NPHP4: variants seen among roughly 807,000 people sequenced by gnomAD.
NPHP4 encodes the protein nephrocystin-4.
In NPHP4, 151 loss-of-function variants were observed where a neutral mutation model predicts 155.8. That is an observed-to-expected ratio of 0.97 (90% confidence interval 0.85 to 1.11). The LOEUF (loss-of-function observed/expected upper bound fraction) is 1.11, where lower values mean the gene tolerates loss of function less well. Ranked by LOEUF, NPHP4 falls within the 50% of genes least tolerant of loss-of-function variation. NPHP4 has a pLI of 0.00. For synonymous variants in NPHP4, 845 were observed against 816.8 expected, an observed-to-expected ratio of 1.03 and a Z score of -0.59; for missense variants, 1,956 against 1,925.7, an observed-to-expected ratio of 1.02 and a Z score of -0.29.
chr1:5,903,081 A>G lies in NPHP4; in HGVS notation c.2143+1536T>C, dbSNP rs938673319. 6.6e-4 allele frequency among the ~76,000 whole-genome samples: 100 copies of G among 152,230 alleles called. 3 individuals carry two copies. The highest frequency in any genetic ancestry group is 1.3e-4 in the Admixed American group (2 of 15,286). On this transcript the variant is annotated intron_variant, in intron 16 of 29. Coordinates refer to ENST00000378156, the MANE Select transcript of NPHP4 (RefSeq NM_015102.5). ...TGCTTTAAAATAATGCATATTCTCTAAACGGGATGTACAGGTTTTCTCAGA... is the reference window on the plus strand; with the variant it reads ...TGCTTTAAAATAATGCATATTCTCTGAACGGGATGTACAGGTTTTCTCAGA...
At chr1:5,989,716 C>T (rs940043586) in intron 1 of NPHP4, among the ~76,000 whole-genome samples, 4 of 152,224 alleles carry the variant, frequency 2.6e-5, no homozygotes, top group Non-Finnish European at 5.9e-5. Flanking sequence ...TCTCTCCTGA[C>T]GCAGATGCCC....
In NPHP4 at chr1:5,969,025, T is replaced by C. The variant is rs930010248; in HGVS notation, c.452+62A>G. The C allele has an allele frequency of 6.0e-6, 6 of 999,804 alleles. No homozygotes were observed. In the African/African-American group the frequency reaches 1.5e-4, roughly 24 times the overall value. 61.9% of individuals were successfully genotyped at this position (999,804 alleles called of 1,614,324 possible). ...CTGGTTGACAGAGTGAGAATCTGTC[T>C]CAAAAAAAAAAAAAAAGACAGACGC... On this transcript the variant is annotated intron_variant, in intron 4 of 29. Transcript: ENST00000378156.
chr1:5,968,129 C>T (rs998468432), intron 4 of NPHP4, among the ~76,000 whole-genome samples: 3 of 151,898 alleles, frequency 2.0e-5, no homozygotes, highest in Non-Finnish European at 4.4e-5. Flanking sequence ...TATCATTACT[C>T]CTCATATACA....
At chr1:5,877,404 A>G in intron 19 of NPHP4, 106 bp from the exon 20 acceptor site, 1 of 824,258 alleles carries the variant, frequency 1.2e-6, no homozygotes, top group South Asian at 2.2e-5. Context: ...GAGGGAGCTC[A>G]AGAGTGCGGC....
At position 5,874,650 on chromosome 1, in the gene NPHP4, CG is replaced by C; in HGVS notation, c.3051del (p.Ile1017MetfsTer66). The part of the protein sequence containing the change: ...VEIDNPELSV[I>X]VDSQEWRDFK... The stretch of plus-strand genomic sequence containing the variant: ...AAGTCCCTCCACTCCTGACTGTCCA[CG>C]ATGACGCTGGGGGAGGCAGTGTCCA... On this transcript the variant is annotated frameshift_variant, in exon 22 of 30. Transcript: ENST00000378156. LOFTEE classifies it high-confidence loss of function. 6.2e-7 allele frequency: 1 copy of C among 1,611,540 alleles called. No individual in the cohort carries two copies. The highest frequency in any genetic ancestry group is 8.5e-7 in the Non-Finnish European group (1 of 1,179,478).
At position 5,863,339 on chromosome 1, in the gene NPHP4, C is replaced by T; in HGVS notation, c.4207G>A (p.Glu1403Lys). 1 of 1,613,928 alleles carries T rather than the reference C, an allele frequency of 6.2e-7. No individual in the cohort carries two copies. Among genetic ancestry groups the T allele is most frequent in the Non-Finnish European group, 8.5e-7 (1 of 1,179,792 alleles). The change falls in exon 30 of 30, where the codon GAG becomes AAG. Residue 1403 changes from glutamate to lysine, a missense_variant. Coordinates refer to ENST00000378156, the MANE Select transcript of NPHP4 (RefSeq NM_015102.5). Reference sequence around the variant, plus strand: ...TGGTCATTGATGTAGATCAGGATCTCCTCCTCACCCACTCTCTGACTAGGC... The same window carrying T: ...TGGTCATTGATGTAGATCAGGATCTTCTCCTCACCCACTCTCTGACTAGGC... ...FAPSQRVGEE[E>K]ILIYINDHED...
chr1:5,921,636 C>G (rs927490723), intron 11 of NPHP4, among the ~76,000 whole-genome samples: 1 of 152,184 alleles, frequency 6.6e-6, no homozygotes, highest in Non-Finnish European at 1.5e-5. Context: ...TATAAATTCC[C>G]TCTTCATATG....
intron 17 of NPHP4, 117 bp from the exon 18 acceptor site, chr1:5,887,583 G>T: frequency 9.1e-7 from 1 of 1,095,338 alleles, no homozygotes; most frequent in Non-Finnish European, 1.3e-6. Context: ...GCGGGAGGGG[G>T]TGTGCGCAGG....
rs780624979 is a variant in NPHP4 at position 5,867,825 on chromosome 1, C to T, written c.3387G>A (p.Val1129=). ...GATAGAAGCGGAAGACCTGGTCCAC[C>T]ACGTGGGGCTGCAGCTCCACAGTCA... is the stretch of plus-strand genomic sequence containing the variant. ...LCLTVELQPH[V]VDQVFRFYHP... Residue 1129 remains valine (V), a synonymous_variant, in exon 24 of 30, where the codon GTG becomes GTA. Transcript: ENST00000378156. This position sits in a 1 kb window ranked among gnomAD's most constrained non-coding sequence, Gnocchi z 4.1. 3.1e-6 allele frequency: 5 copies of T among 1,613,708 alleles called. No individual in the cohort carries two copies. The South Asian group carries it at 3.3e-5, about 11-fold the overall frequency.
At chr1:5,886,173 A>T (rs1024494346) in intron 18 of NPHP4, among the ~76,000 whole-genome samples, 2 of 152,226 alleles carry the variant, frequency 1.3e-5, no homozygotes, top group African/African-American at 4.8e-5. Context: ...TAGTTGCATG[A>T]GCCTTTGAAT....
At chr1:5,955,454 A>C (rs1648996464) in intron 6 of NPHP4, among the ~76,000 whole-genome samples, 1 of 152,276 alleles carries the variant, frequency 6.6e-6, no homozygotes, top group African/African-American at 2.4e-5. Context: ...TTGCAGCACT[A>C]TTCACAACAG....
chr1:5,931,987 T>C (rs945683293), intron 10 of NPHP4, among the ~76,000 whole-genome samples: 9 of 152,036 alleles, frequency 5.9e-5, no homozygotes, highest in African/African-American at 2.2e-4. Context: ...GGTGTGAGGA[T>C]TGCTGGAGCA....
At chr1:5,951,332 C>T (rs1033619285) in intron 7 of NPHP4, among the ~76,000 whole-genome samples, 1 of 152,244 alleles carries the variant, frequency 6.6e-6, no homozygotes, top group African/African-American at 2.4e-5. Context: ...GACGCAACAG[C>T]AAGATGTTAC....
chr1:5,974,312 G>C (rs1359323397), intron 3 of NPHP4, among the ~76,000 whole-genome samples: 1 of 152,110 alleles, frequency 6.6e-6, no homozygotes, highest in Non-Finnish European at 1.5e-5. Flanking sequence ...CCTTGATGGG[G>C]GTTTAAGCTG....
chr1:5,952,546 C>A (rs143687633), intron 7 of NPHP4, among the ~76,000 whole-genome samples, 154 bp downstream of exon 7: 1 of 151,126 alleles, frequency 6.6e-6, no homozygotes, highest in East Asian at 2.0e-4. Context: ...GCATCAGATG[C>A]GGGGTCTCCC....
In NPHP4 at chr1:5,980,849, G is replaced by A. The variant is rs560033721; in HGVS notation, c.136-2436C>T. Among the ~76,000 whole-genome samples the A allele has an allele frequency of 4.6e-5, 7 of 152,156 alleles. No individual in the cohort carries two copies. The East Asian group carries it at 5.8e-4, about 13-fold the overall frequency. ...CTCCAAGCCCAGCTCCCATCACCAC[G>A]CACCGGGGCCTGGCCCCCAGCTCCC... On this transcript the variant is annotated intron_variant, in intron 2 of 29. Transcript: ENST00000378156.
intron 11 of NPHP4, among the ~76,000 whole-genome samples, chr1:5,913,148 T>C (rs576617040): frequency 2.1e-5 from 2 of 95,256 alleles, no homozygotes; most frequent in African/African-American, 8.4e-5. Context: ...TGAGACTCCA[T>C]CTCAAAAAAA....
chr1:5,940,065 C>T (rs144387272), intron 9 of NPHP4, among the ~76,000 whole-genome samples: 2 of 152,296 alleles, frequency 1.3e-5, no homozygotes, highest in East Asian at 3.9e-4. Context: ...AGAACTACCG[C>T]TCATCAAAAG....
intron 2 of NPHP4, among the ~76,000 whole-genome samples, chr1:5,985,585 G>A (rs1655353371): frequency 1.3e-5 from 2 of 152,244 alleles, no homozygotes; most frequent in Admixed American, 1.3e-4. Context: ...GGAAATCAGA[G>A]TACTTGGGTT....
Sources: gnomAD v4.1 joint callset for allele counts (sites outside exome capture counted in the v4.1 genomes callset) on GRCh38, gnomAD v4.1.1 for gene constraint, Gnocchi (gnomAD v3.1) non-coding constraint, MANE v1.5 for transcripts, NCBI Gene and HGNC (gene_info 2026-07-23, HGNC 2026-07-21) for gene names.